Variants in VCAN observed in about 807,000 individuals in gnomAD.
The protein encoded by VCAN is versican core protein.
VCAN carries 44 observed loss-of-function variants against 245.5 expected under a neutral mutation model. The observed-to-expected ratio is 0.18, with a 90% CI of 0.14 to 0.23. The LOEUF (loss-of-function observed/expected upper bound fraction) is 0.23. VCAN is among the 10% of genes least tolerant of loss of function. The pLI, the probability that VCAN is intolerant of heterozygous loss-of-function variation, is 1.00. For synonymous variants in VCAN, 1,413 were observed against 1,437.0 expected (o/e 0.98, Z 0.38); for missense variants, 3,793 against 4,057.9 (o/e 0.93, Z 1.77).
intron 5 of VCAN, among the ~76,000 whole-genome samples, chr5:83,507,310 T>C (rs1393839816): frequency 6.6e-6 from 1 of 152,200 alleles, no homozygotes; most frequent in Non-Finnish European, 1.5e-5. Flanking sequence ...ATTAAATTGT[T>C]CAGGTACAAG....
chr5:83,502,133 T>C (rs1745347237), intron 5 of VCAN, among the ~76,000 whole-genome samples: 1 of 152,196 alleles, frequency 6.6e-6, no homozygotes, highest in African/African-American at 2.4e-5. Flanking sequence ...ATATAGGTCT[T>C]GTATCTTGCA....
intron 2 of VCAN, among the ~76,000 whole-genome samples, chr5:83,484,514 TCCA>T (rs1335014281): frequency 1.9e-5 from 1 of 52,748 alleles, no homozygotes; most frequent in African/African-American, 8.4e-5. Flanking sequence ...CATCCTTCCA[TCCA>T]TCCATCCATC....
intron 12 of VCAN, among the ~76,000 whole-genome samples, chr5:83,564,501 A>G (rs540989799): frequency 2.0e-5 from 3 of 152,338 alleles, no homozygotes; most frequent in African/African-American, 7.2e-5. Context: ...TTTCAAATGC[A>G]GCATGAAGCT....
At chr5:83,531,541 CAA>C (rs935898648) in intron 7 of VCAN, 98 of 152,212 alleles carry the variant, frequency 6.4e-4, no homozygotes, top group African/African-American at 2.1e-3. Flanking sequence ...AATAGGAAAA[CAA>C]AATCTTTTTG....
At position 83,493,915 on chromosome 5, in the gene VCAN, T is replaced by C; in HGVS notation, c.732T>C (p.Tyr244=). ...SPQETYDVYC[Y]VDHLDGDVFH... Reference sequence around the variant, plus strand: ...AGGAAACTTACGATGTGTATTGTTATGTGGATCATCTGGATGGTAAGATGT... The same window carrying C: ...AGGAAACTTACGATGTGTATTGTTACGTGGATCATCTGGATGGTAAGATGT... The change falls in exon 5 of 15, where the codon TAT becomes TAC. Residue 244 remains tyrosine, a synonymous_variant. Transcript: ENST00000265077. The C allele has an allele frequency of 3.1e-6, 5 of 1,614,128 alleles. No homozygotes were observed. The highest frequency in any genetic ancestry group is 4.2e-6 in the Non-Finnish European group (5 of 1,179,982).
rs182271864 is a variant in VCAN at position 83,474,602 on chromosome 5, C to G, written c.-7+2579C>G. Among the ~76,000 whole-genome samples, 1,435 of 152,090 alleles carry G rather than the reference C, an allele frequency of 9.4e-3. 19 individuals carry two copies. The highest frequency in any genetic ancestry group is 0.03 in the East Asian group (154 of 5,078). On this transcript the variant is annotated intron_variant, in intron 1 of 14. Transcript: ENST00000265077. ...TAGCCAGCCGCCACGTGGGTTGGCG[C>G]TTCGGCTCCCAGCCGAGACGGGTGT...
intron 5 of VCAN, among the ~76,000 whole-genome samples, chr5:83,509,692 T>A (rs1745594095): frequency 6.6e-6 from 1 of 152,226 alleles, no homozygotes; most frequent in African/African-American, 2.4e-5. Context: ...CCAAGGGTTC[T>A]ACCTCTCAGG....
chr5:83,526,372 A>T (rs921398844), intron 7 of VCAN, among the ~76,000 whole-genome samples: 4 of 152,238 alleles, frequency 2.6e-5, no homozygotes, highest in Admixed American at 6.5e-5. Flanking sequence ...ATTTGTTATT[A>T]TAAGATCCAG....
chr5:83,559,545 C>T (rs1202971761), intron 12 of VCAN, among the ~76,000 whole-genome samples: 1 of 152,096 alleles, frequency 6.6e-6, no homozygotes, highest in Non-Finnish European at 1.5e-5. Flanking sequence ...AGCATATTCT[C>T]ACGTCTTATC....
chr5:83,539,448 G>A lies in VCAN; in HGVS notation c.6445G>A (p.Glu2149Lys). 3 of 1,613,340 alleles carry A rather than the reference G, an allele frequency of 1.9e-6. No homozygotes were observed. The highest frequency in any genetic ancestry group is 2.5e-6 in the Non-Finnish European group (3 of 1,179,750). Residue 2149 changes from glutamate to lysine, a missense_variant, in exon 8 of 15, where the codon GAA becomes AAA. By Grantham distance (56) the Glu-to-Lys change is moderately conservative. Coordinates refer to ENST00000265077, the MANE Select transcript of VCAN (RefSeq NM_004385.5). ...TGATTCACAGACATTTACTGAAACT[G>A]AACTCAAAACCACAGATTATTCTGT... Reference protein sequence around the residue: ...IFDSQTFTETELKTTDYSVLT... With the variant: ...IFDSQTFTETKLKTTDYSVLT...
rs1745106373 is a variant in VCAN, at chr5:83,494,782, G to T, written c.748+851G>T. ...AGCCTGGGTAACGTGGTGAAACCATGTCTCTACATAATGCCAAAACTTAGC... is the reference window on the plus strand; with the variant it reads ...AGCCTGGGTAACGTGGTGAAACCATTTCTCTACATAATGCCAAAACTTAGC... On this transcript the variant is annotated intron_variant, in intron 5 of 14. Transcript: ENST00000265077. Among the ~76,000 whole-genome samples, 4 of 152,074 alleles carry T rather than the reference G, an allele frequency of 2.6e-5. No homozygotes were observed. The South Asian group carries it at 8.3e-4, about 31-fold the overall frequency.
chr5:83,520,340 A>T lies in VCAN; in HGVS notation c.2034A>T (p.Thr678=), dbSNP rs1368846002. ...ISTVIYPSLQ[T]EMTHRRERTE... ...CAGTTATTTATCCTTCTCTACAAAC[A>T]GAAATGACACATAGAAGAGAAAGAA... is the stretch of plus-strand genomic sequence containing the variant. Residue 678 remains threonine (T), a synonymous_variant, in exon 7 of 15, where the codon ACA becomes ACT. Coordinates refer to ENST00000265077, the MANE Select transcript of VCAN (RefSeq NM_004385.5). 6.2e-7 allele frequency: 1 copy of T among 1,613,094 alleles called. No individual in the cohort carries two copies. Among genetic ancestry groups the T allele is most frequent in the Non-Finnish European group, 8.5e-7 (1 of 1,179,722 alleles).
rs747638438 is a variant in VCAN at position 83,581,737 on chromosome 5, G to C, written c.*1303G>C. On this transcript the variant is annotated 3_prime_UTR_variant, in exon 15 of 15. Coordinates refer to ENST00000265077, the MANE Select transcript of VCAN (RefSeq NM_004385.5). ...TCCTGTTAGGTGGAGTGTATGTGTTGACATTTCTCCCCATCTCTTCCCACT... is the reference window on the plus strand; with the variant it reads ...TCCTGTTAGGTGGAGTGTATGTGTTCACATTTCTCCCCATCTCTTCCCACT... The C allele has an allele frequency of 7.9e-5, 12 of 152,090 alleles. No individual in the cohort carries two copies. The highest frequency in any genetic ancestry group is 1.6e-4 in the Non-Finnish European group (11 of 68,006). The allele number at this position is 152,090 out of a possible 1,614,324, so 9.4% of individuals were successfully genotyped here.
chr5:83,516,210 G>A lies in VCAN; in HGVS notation c.1043-3139G>A, dbSNP rs910064341. 6.6e-5 allele frequency among the ~76,000 whole-genome samples: 10 copies of A among 152,092 alleles called. 1 individual carries two copies. The highest frequency in any genetic ancestry group is 2.9e-5 in the Non-Finnish European group (2 of 68,018). ...GAGGCAGGAGAATGGCGTGAACCTG[G>A]GAGGTGGAGCTTGCAGTGAGACAAG... On this transcript the variant is annotated intron_variant, in intron 6 of 14. Coordinates refer to ENST00000265077, the MANE Select transcript of VCAN (RefSeq NM_004385.5).
Position 83,519,496 on chromosome 5 carries a change from C to T in VCAN, c.1190C>T (p.Pro397Leu), listed in dbSNP as rs2112406348. Residue 397 changes from proline to leucine, a missense_variant, in exon 7 of 15, where the codon CCC (proline) becomes CTC (leucine). This residue lies in a region of VCAN where 3,182 missense variants were observed against 3,250.3 expected (regional missense o/e 0.98). Coordinates refer to ENST00000265077, the MANE Select transcript of VCAN (RefSeq NM_004385.5). ...CCTGTCATTCCAACAGAGTTCCCTC[C>T]CGTGGGAAATATTGTCAGTTTTGAA... ...ELPVIPTEFPPVGNIVSFEQK... is the reference protein window; with the variant it reads ...ELPVIPTEFPLVGNIVSFEQK... The T allele has an allele frequency of 6.2e-7, 1 of 1,614,148 alleles. No homozygotes were observed. The highest frequency in any genetic ancestry group is 8.5e-7 in the Non-Finnish European group (1 of 1,179,980).
At chr5:83,542,329 G>A (rs535213272) in intron 8 of VCAN, 61 bp downstream of exon 8, 8 of 1,523,232 alleles carry the variant, frequency 5.3e-6, no homozygotes, top group Middle Eastern at 1.7e-4. Flanking sequence ...TGGTGCTAAC[G>A]TTTATATGTA....
At chr5:83,508,139 T>G (rs961407338) in intron 5 of VCAN, among the ~76,000 whole-genome samples, 5 of 152,228 alleles carry the variant, frequency 3.3e-5, no homozygotes, top group Non-Finnish European at 7.3e-5. Context: ...TTGCAGCCTT[T>G]GACATAATCC....
At chr5:83,500,738 G>A (rs1394522359) in intron 5 of VCAN, among the ~76,000 whole-genome samples, 1 of 152,090 alleles carries the variant, frequency 6.6e-6, no homozygotes, top group East Asian at 1.9e-4. Flanking sequence ...AAGATAAAAA[G>A]TACCCTCAAA....
At chr5:83,477,143 G>T (rs1334957037) in intron 1 of VCAN, among the ~76,000 whole-genome samples, 1 of 152,032 alleles carries the variant, frequency 6.6e-6, no homozygotes, top group African/African-American at 2.4e-5. Context: ...AAATGAATAT[G>T]CAGTTATAAA....
Sources: allele counts gnomAD v4.1 joint callset (sites outside exome capture counted in the v4.1 genomes callset), GRCh38; gene constraint gnomAD v4.1.1; regional missense constraint gnomAD v4.1.1; transcripts MANE v1.5; gene names NCBI Gene and HGNC (gene_info 2026-07-23, HGNC 2026-07-21).